Variants in MAP4K5 observed in about 807,000 individuals in gnomAD.
The protein encoded by MAP4K5 is MAPK/ERK kinase kinase kinase 5.
Under a neutral mutation model 135.6 loss-of-function variants are expected in MAP4K5, and 82 were observed. The ratio of observed to expected loss-of-function variants is 0.60; its 90% CI spans 0.51 to 0.73. MAP4K5 has a LOEUF of 0.73. Ranked by LOEUF, MAP4K5 falls within the 30% of genes least tolerant of loss-of-function variation. MAP4K5 has a pLI of 0.00. For synonymous variants in MAP4K5, 347 were observed against 335.0 expected (o/e 1.04, Z -0.39); for missense variants, 907 against 1,010.9 (o/e 0.90, Z 1.39).
At chr14:50,438,588 G>A (rs1392807764) in intron 23 of MAP4K5, among the ~76,000 whole-genome samples, 1 of 152,026 alleles carries the variant, frequency 6.6e-6, no homozygotes, top group African/African-American at 2.4e-5. Context: ...TTAAGTAAGA[G>A]GGATGGATAT....
At chr14:50,519,908 T>G (rs1038292746) in intron 2 of MAP4K5, among the ~76,000 whole-genome samples, 1 of 152,110 alleles carries the variant, frequency 6.6e-6, no homozygotes, top group African/African-American at 2.4e-5. Context: ...GAACCAAAGC[T>G]GAAAATGCAA....
At chr14:50,536,222 A>T (rs1206002533), upstream of MAP4K5, among the ~76,000 whole-genome samples, 1 of 152,230 alleles carries the variant, frequency 6.6e-6, no homozygotes, top group Non-Finnish European at 1.5e-5. Flanking sequence ...AGGTGGGCGG[A>T]TCATCTGAGG....
intron 1 of MAP4K5, among the ~76,000 whole-genome samples, chr14:50,549,980 A>G (rs1009264952): frequency 6.6e-5 from 10 of 152,244 alleles, no homozygotes; most frequent in Non-Finnish European, 2.9e-5. Flanking sequence ...AGCAGAAGCC[A>G]TACTGTGCTC....
At chr14:50,428,218 T>C (rs938547723) in intron 30 of MAP4K5, among the ~76,000 whole-genome samples, 11 of 152,160 alleles carry the variant, frequency 7.2e-5, no homozygotes, top group African/African-American at 2.7e-4. Context: ...TTAACAGCCA[T>C]ATATGTTTAA....
chr14:50,496,255 G>A lies in MAP4K5; in HGVS notation c.166+8545C>T, dbSNP rs185226385. The stretch of plus-strand genomic sequence containing the variant: ...GCAGGAGAATGGCTTGATCCCGGGA[G>A]GTGGAGGTTGCAGTGAGCCAAGATT... On this transcript the variant is annotated intron_variant, in intron 3 of 32. Transcript: ENST00000682126. Among the ~76,000 whole-genome samples the A allele has an allele frequency of 2.2e-3, 335 of 152,152 alleles. 1 individual carries two copies. Among genetic ancestry groups the A allele is most frequent in the Admixed American group, 4.4e-3 (67 of 15,282 alleles).
intron 14 of MAP4K5, among the ~76,000 whole-genome samples, chr14:50,455,411 A>G (rs1027874714): frequency 1.3e-5 from 2 of 152,060 alleles, no homozygotes; most frequent in African/African-American, 4.8e-5. Context: ...TTACAATGGA[A>G]TATCAACTTT....
At chr14:50,538,361 A>G (rs1034458152) in intron 2 of MAP4K5, among the ~76,000 whole-genome samples, 1 of 152,186 alleles carries the variant, frequency 6.6e-6, no homozygotes, top group Non-Finnish European at 1.5e-5. Context: ...CGTCTTTATC[A>G]GCAGTGTGAA....
At chr14:50,520,775 T>C (rs1025376449) in intron 2 of MAP4K5, among the ~76,000 whole-genome samples, 1 of 151,678 alleles carries the variant, frequency 6.6e-6, no homozygotes, top group African/African-American at 2.4e-5. Context: ...GGACCGTTTC[T>C]GGTTTTAGTT....
In MAP4K5 at chr14:50,476,256, T is replaced by A. The variant is rs2037095968; in HGVS notation, c.426+3A>T. ...GCAATTTAAATGTATTAAATGAACT[T>A]ACTTTGATATCTCTATGCATTTTGC... On this transcript the variant is annotated splice_donor_region_variant and intron_variant, in intron 7 of 32. Coordinates refer to ENST00000682126, the MANE Select transcript of MAP4K5 (RefSeq NM_006575.6). The A allele has an allele frequency of 7.3e-6, 11 of 1,500,312 alleles. No individual in the cohort carries two copies. Among genetic ancestry groups the A allele is most frequent in the Non-Finnish European group, 9.9e-6 (11 of 1,114,908 alleles). 92.9% of individuals were successfully genotyped at this position (1,500,312 alleles called of 1,614,324 possible).
chr14:50,446,596 T>C (rs1382614637), intron 16 of MAP4K5, among the ~76,000 whole-genome samples: 13 of 152,192 alleles, frequency 8.5e-5, no homozygotes, highest in Admixed American at 3.9e-4. Flanking sequence ...ACTTATCTAG[T>C]CCACTGGTCC....
At chr14:50,544,723 C>T (rs1268772057) in intron 1 of MAP4K5, among the ~76,000 whole-genome samples, 2 of 151,802 alleles carry the variant, frequency 1.3e-5, no homozygotes, top group Non-Finnish European at 1.5e-5. Flanking sequence ...TGCTTGAGCT[C>T]GGGAGTTTGA....
intron 3 of MAP4K5, among the ~76,000 whole-genome samples, chr14:50,503,828 A>C (rs530785051): frequency 1.4e-3 from 208 of 152,086 alleles, no homozygotes; most frequent in Non-Finnish European, 2.6e-3. Context: ...ATCCTTGAAC[A>C]TAATTTGAAT....
At chr14:50,437,454 T>C in intron 26 of MAP4K5, 22 bp downstream of exon 26, 2 of 1,562,022 alleles carry the variant, frequency 1.3e-6, no homozygotes, top group Non-Finnish European at 8.8e-7. Flanking sequence ...ACCATTCAGT[T>C]TGAGAAATAC....
chr14:50,442,935 C>T (rs1298859614), intron 20 of MAP4K5, 119 bp from the exon 21 acceptor site: 1 of 588,836 alleles, frequency 1.7e-6, no homozygotes, highest in African/African-American at 1.9e-5. Flanking sequence ...CTTGTTGTTT[C>T]ATTCCAAAAC....
chr14:50,487,544 T>C (rs1343134101), intron 3 of MAP4K5, among the ~76,000 whole-genome samples: 1 of 152,224 alleles, frequency 6.6e-6, no homozygotes, highest in African/African-American at 2.4e-5. Context: ...TACCTTTTAT[T>C]TGTAACCTGG....
chr14:50,463,258 CACTG>C lies in MAP4K5; in HGVS notation c.820-481_820-478del, dbSNP rs575043003. Among the ~76,000 whole-genome samples the C allele has an allele frequency of 3.3e-4, 50 of 152,240 alleles. 1 individual carries two copies. The highest frequency in any genetic ancestry group is 2.3e-3 in the Admixed American group (35 of 15,292). On this transcript the variant is annotated intron_variant, in intron 12 of 32. Transcript: ENST00000682126. Reference sequence around the variant, plus strand: ...GTAAAGCTTCTTAGGTTGTTGTAATCACTGACTATTTCTAACATAAAAGTGTTTT... The same window carrying C: ...GTAAAGCTTCTTAGGTTGTTGTAATCACTATTTCTAACATAAAAGTGTTTT...
intron 15 of MAP4K5, among the ~76,000 whole-genome samples, 184 bp from the exon 16 acceptor site, chr14:50,447,665 G>A (rs1212147241): frequency 6.6e-6 from 1 of 151,958 alleles, no homozygotes; most frequent in Non-Finnish European, 1.5e-5. Context: ...ATTATCAGTC[G>A]ACCTGAACTT....
In MAP4K5 at chr14:50,512,688, G is replaced by GA. The variant is rs1408809534; in HGVS notation, c.109-7832_109-7831insT. ...GCTCTTTTATAATGAAAGGCAAAGA[G>GA]GCTTTCAGAAAAAGAGATCTTCTAA... is the stretch of plus-strand genomic sequence containing the variant. On this transcript the variant is annotated intron_variant, in intron 2 of 32. Transcript: ENST00000682126. Among the ~76,000 whole-genome samples, 5 of 152,012 alleles carry GA rather than the reference G, an allele frequency of 3.3e-5. No individual in the cohort carries two copies. The East Asian group carries it at 9.6e-4, about 29-fold the overall frequency.
At chr14:50,503,779 G>A (rs2037754546) in intron 3 of MAP4K5, among the ~76,000 whole-genome samples, 1 of 152,030 alleles carries the variant, frequency 6.6e-6, no homozygotes, top group Non-Finnish European at 1.5e-5. Flanking sequence ...TGTTTTCTCT[G>A]AGAGCACACG....
Sources: gnomAD v4.1 joint callset for allele counts (sites outside exome capture counted in the v4.1 genomes callset) on GRCh38, gnomAD v4.1.1 for gene constraint, MANE v1.5 for transcripts, NCBI Gene and HGNC (gene_info 2026-07-23, HGNC 2026-07-21) for gene names.